The following TYW1B variants were observed in gnomAD, a reference collection of about 807,000 sequenced individuals.
TYW1B encodes S-adenosyl-L-methionine-dependent tRNA 4-demethylwyosine synthase TYW1B.
TYW1B carries 73 observed loss-of-function variants against 86.9 expected under a neutral mutation model. The ratio of observed to expected loss-of-function variants is 0.84; its 90% CI spans 0.70 to 1.02. The LOEUF (loss-of-function observed/expected upper bound fraction) is 1.02. Ranked by LOEUF, TYW1B falls within the 50% of genes least tolerant of loss-of-function variation. TYW1B has a pLI of 0.00. For synonymous variants in TYW1B, 248 were observed against 292.8 expected (o/e 0.85, Z 1.56); for missense variants, 637 against 827.4 (o/e 0.77, Z 2.82).
At chr7:72,686,534 T>C (rs1460431069) in intron 11 of TYW1B, among the ~76,000 whole-genome samples, 2 of 152,110 alleles carry the variant, frequency 1.3e-5, no homozygotes, top group South Asian at 2.1e-4. Context: ...GATCCATCCA[T>C]GGTTGCCAGG....
chr7:72,637,297 A>G (rs1585866817), intron 11 of TYW1B, among the ~76,000 whole-genome samples: 1 of 151,980 alleles, frequency 6.6e-6, no homozygotes, highest in East Asian at 1.9e-4. Flanking sequence ...GAGGTTTTAA[A>G]TTTAAAAAAG....
At chr7:72,653,675 A>G (rs557731911) in intron 11 of TYW1B, among the ~76,000 whole-genome samples, 19 of 152,252 alleles carry the variant, frequency 1.2e-4, no homozygotes, top group African/African-American at 4.3e-4. Context: ...GGCTGGTTCA[A>G]CATTCAAAAT....
At chr7:72,584,105 T>G (rs1811218761) in intron 13 of TYW1B, among the ~76,000 whole-genome samples, 1 of 152,178 alleles carries the variant, frequency 6.6e-6, no homozygotes, top group Non-Finnish European at 1.5e-5. Context: ...GGAGTGCAGT[T>G]GTGCAATCAT....
intron 10 of TYW1B, among the ~76,000 whole-genome samples, chr7:72,700,875 T>G (rs1814449564): frequency 6.6e-6 from 1 of 152,108 alleles, no homozygotes; most frequent in African/African-American, 2.4e-5. Context: ...AAGACCATCC[T>G]GGCCAACAAG....
chr7:72,638,126 C>T (rs1812716518), intron 11 of TYW1B, among the ~76,000 whole-genome samples: 1 of 150,358 alleles, frequency 6.7e-6, no homozygotes, highest in Non-Finnish European at 1.5e-5. Context: ...TGATAAGCAG[C>T]ATAATGGTAA....
intron 2 of TYW1B, among the ~76,000 whole-genome samples, chr7:72,820,570 T>C (rs1788809751): frequency 6.6e-6 from 1 of 151,984 alleles, no homozygotes; most frequent in Non-Finnish European, 1.5e-5. Flanking sequence ...AGAGTAGAAG[T>C]GAAAGGGAGC....
At chr7:72,811,151 G>A (rs1554478135) in intron 3 of TYW1B, among the ~76,000 whole-genome samples, 2 of 151,308 alleles carry the variant, frequency 1.3e-5, no homozygotes, top group South Asian at 4.2e-4. Context: ...GGCGCCTGTA[G>A]TCCCAGCTAC....
intron 10 of TYW1B, among the ~76,000 whole-genome samples, chr7:72,709,584 C>T (rs1223317470): frequency 6.6e-6 from 1 of 152,178 alleles, no homozygotes; most frequent in Non-Finnish European, 1.5e-5. Context: ...AGGAGAATCA[C>T]TTGAACCCTG....
rs76441894 is a variant in TYW1B at position 72,818,076 on chromosome 7, T to TA, written c.136-2596dup. Among the ~76,000 whole-genome samples the TA allele has an allele frequency of 2.0e-3, 262 of 132,856 alleles. 2 individuals carry two copies. Among genetic ancestry groups the TA allele is most frequent in the African/African-American group, 4.1e-3 (146 of 35,834 alleles). 87.2% of individuals were successfully genotyped at this position (132,856 alleles called of 152,430 possible). A position where few individuals can be genotyped will look rare whatever the true frequency, so the allele number is the denominator to read the frequency against. On this transcript the variant is annotated intron_variant, in intron 2 of 13. Coordinates refer to ENST00000620995, the MANE Select transcript of TYW1B (RefSeq NM_001145440.3). ...GCCCTATCAGTTCATAGCTGGCTGT[T>TA]AAAAAAAAAAAAAAAGCCTCACATC... is the stretch of plus-strand genomic sequence containing the variant.
chr7:72,653,736 T>C (rs1405359229), intron 11 of TYW1B, among the ~76,000 whole-genome samples: 8 of 151,858 alleles, frequency 5.3e-5, no homozygotes, highest in African/African-American at 1.5e-4. Flanking sequence ...AATATGATCA[T>C]ATCAATTGAC....
At chr7:72,799,470 C>T (rs1303397177) in intron 6 of TYW1B, among the ~76,000 whole-genome samples, 1 of 149,968 alleles carries the variant, frequency 6.7e-6, no homozygotes, top group African/African-American at 2.4e-5. Flanking sequence ...GTCAGGTCTG[C>T]CTTTTTTTCT....
chr7:72,602,802 A>C (rs1359878341), intron 13 of TYW1B, among the ~76,000 whole-genome samples: 2 of 150,678 alleles, frequency 1.3e-5, no homozygotes, highest in Non-Finnish European at 2.9e-5. Context: ...AATCCTGGAG[A>C]ATCTTGTAGT....
chr7:72,605,882 C>T (rs1811782643), intron 13 of TYW1B, among the ~76,000 whole-genome samples: 1 of 152,006 alleles, frequency 6.6e-6, no homozygotes, highest in African/African-American at 2.4e-5. Flanking sequence ...TCAAATAGTC[C>T]CATCTGGATT....
chr7:72,776,574 A>AAAAAAC (rs1787958983), intron 7 of TYW1B, among the ~76,000 whole-genome samples: 2 of 150,526 alleles, frequency 1.3e-5, no homozygotes, highest in Admixed American at 6.6e-5. Context: ...AAAAAAAAAA[A>AAAAAAC]AAAAAGAGGT....
intron 11 of TYW1B, among the ~76,000 whole-genome samples, chr7:72,674,667 A>G (rs1199612425): frequency 6.6e-6 from 1 of 152,148 alleles, no homozygotes; most frequent in African/African-American, 2.4e-5. Context: ...TCCTGTGCTT[A>G]AAAGCATTTT....
chr7:72,746,024 C>T (rs1425130681), intron 7 of TYW1B, among the ~76,000 whole-genome samples: 5 of 151,822 alleles, frequency 3.3e-5, no homozygotes, highest in Admixed American at 1.3e-4. Context: ...GCACCACGTC[C>T]GGCTAGTATT....
Position 72,807,176 on chromosome 7 carries a change from A to G in TYW1B, c.613T>C (p.Ser205Pro). The G allele has an allele frequency of 6.2e-7, 1 of 1,613,844 alleles. No individual in the cohort carries two copies. The highest frequency in any genetic ancestry group is 1.1e-5 in the South Asian group (1 of 91,038). Residue 205 changes from serine to proline, a missense_variant, in exon 5 of 14, where the codon TCC becomes CCC. Physicochemically the swap from Ser to Pro is moderately conservative, Grantham distance 74. Coordinates refer to ENST00000620995, the MANE Select transcript of TYW1B (RefSeq NM_001145440.3). ...CCTTTCTTGCAGTGGCCGCCACAGGACTTCTTTCTCTCCCCTTTCTGAAGT... is the reference window on the plus strand; with the variant it reads ...CCTTTCTTGCAGTGGCCGCCACAGGGCTTCTTTCTCTCCCCTTTCTGAAGT... ...QALQKGERKKSCGGHCKKGKC... is the reference protein window; with the variant it reads ...QALQKGERKKPCGGHCKKGKC...
Position 72,788,123 on chromosome 7 carries a change from G to A in TYW1B, c.847-10590C>T, listed in dbSNP as rs556888027. Among the ~76,000 whole-genome samples, 129 of 151,904 alleles carry A rather than the reference G, an allele frequency of 8.5e-4. 3 individuals carry two copies. The highest frequency in any genetic ancestry group is 1.5e-3 in the South Asian group (7 of 4,792). ...CTCCCGAGTAGCTGGGACTATAGGC[G>A]CCTGCCACCACACCTGGCTAATATT... On this transcript the variant is annotated intron_variant, in intron 6 of 13. Coordinates refer to ENST00000620995, the MANE Select transcript of TYW1B (RefSeq NM_001145440.3).
chr7:72,709,308 C>A (rs1554454209), intron 10 of TYW1B, among the ~76,000 whole-genome samples: 3 of 152,180 alleles, frequency 2.0e-5, no homozygotes, highest in African/African-American at 4.8e-5. Context: ...AAATGCAACA[C>A]AATTTGCCTG....
Sources: allele counts gnomAD v4.1 joint callset (sites outside exome capture counted in the v4.1 genomes callset), GRCh38; gene constraint gnomAD v4.1.1; transcripts MANE v1.5; gene names NCBI Gene and HGNC (gene_info 2026-07-23, HGNC 2026-07-21).